GDI2: variants seen among roughly 807,000 people sequenced by gnomAD.
GDI2 encodes the protein GDP dissociation inhibitor 2, also known as rab GDP dissociation inhibitor beta.
A neutral mutation model predicts 54.2 loss-of-function variants in GDI2; 22 were observed. The observed-to-expected ratio is 0.41, with a 90% CI of 0.29 to 0.58. The LOEUF (loss-of-function observed/expected upper bound fraction) is 0.58, where lower values mean the gene tolerates loss of function less well. Ranked by LOEUF, GDI2 falls within the 20% of genes least tolerant of loss-of-function variation. The pLI is 0.35. For missense variants in GDI2, 422 were observed against 546.0 expected, an observed-to-expected ratio of 0.77 and a Z score of 2.26; for synonymous variants, 177 against 182.1, an observed-to-expected ratio of 0.97 and a Z score of 0.23.
intron 1 of GDI2, among the ~76,000 whole-genome samples, chr10:5,800,942 T>TA (rs1841257116): frequency 6.6e-6 from 1 of 151,718 alleles, no homozygotes; most frequent in Non-Finnish European, 1.5e-5. Context: ...AGTCACCTTT[T>TA]AATTTTTTTT....
chr10:5,766,902 C>G lies in GDI2; in HGVS notation c.992-264G>C, dbSNP rs1347834835. 1.3e-5 allele frequency among the ~76,000 whole-genome samples: 2 copies of G among 152,188 alleles called. No individual in the cohort carries two copies. The highest frequency in any genetic ancestry group is 3.8e-4 in the East Asian group (2 of 5,198). ...TTTGGAATGAGATCTCTTAACAGCT[C>G]TGTCATACCTAACTAAAAAACCTGC... is the stretch of plus-strand genomic sequence containing the variant. On this transcript the variant is annotated intron_variant, in intron 8 of 10. Transcript: ENST00000380191. The surrounding 1 kb of genome is among the most constrained non-coding windows in gnomAD (Gnocchi z 5.8).
intron 6 of GDI2, among the ~76,000 whole-genome samples, chr10:5,778,826 AG>A (rs1840685575): frequency 1.3e-5 from 2 of 152,254 alleles, no homozygotes; most frequent in East Asian, 3.8e-4. Context: ...CACTTTAACA[AG>A]GTGTAAAATC....
At chr10:5,792,784 C>T (rs556623510) in intron 4 of GDI2, among the ~76,000 whole-genome samples, 4 of 150,886 alleles carry the variant, frequency 2.7e-5, no homozygotes, top group African/African-American at 7.3e-5. Flanking sequence ...GACCAAGACT[C>T]GAAATATACC....
At position 5,805,154 on chromosome 10, in the gene GDI2, G is replaced by A. The variant is rs7098878; in HGVS notation, c.46-4449C>T. On this transcript the variant is annotated intron_variant, in intron 1 of 10. Transcript: ENST00000380191. ...GCTACTATCGGGAGCTTTTCAGAGT[G>A]TATGGCTAACCCTGCAAGCAGGGCA... 1.1e-4 allele frequency among the ~76,000 whole-genome samples: 16 copies of A among 152,076 alleles called. No individual in the cohort carries two copies. In the South Asian group the frequency reaches 1.7e-3, roughly 16 times the overall value.
Position 5,796,872 on chromosome 10 carries a change from AG to A in GDI2, c.154-11del. On this transcript the variant is annotated splice_polypyrimidine_tract_variant and intron_variant, in intron 2 of 10. Coordinates refer to ENST00000380191, the MANE Select transcript of GDI2 (RefSeq NM_001494.4). ...TAAATCTTTTGTATAACTAAAAGCAAGGAAAAACATAGCCATAATGTTAACA... is the reference window on the plus strand; with the variant it reads ...TAAATCTTTTGTATAACTAAAAGCAAGAAAAACATAGCCATAATGTTAACA... 1 of 1,316,184 alleles carries A rather than the reference AG, an allele frequency of 7.6e-7. No homozygotes were observed. The highest frequency in any genetic ancestry group is 1.1e-6 in the Non-Finnish European group (1 of 911,160). 81.5% of individuals were successfully genotyped at this position (1,316,184 alleles called of 1,614,324 possible).
chr10:5,791,498 A>T (rs1020338927), intron 4 of GDI2, among the ~76,000 whole-genome samples: 1 of 152,158 alleles, frequency 6.6e-6, no homozygotes, highest in Non-Finnish European at 1.5e-5. Context: ...CTGTAACCCC[A>T]GGTCTTTGGG....
chr10:5,797,743 A>C (rs2131711570), intron 2 of GDI2, among the ~76,000 whole-genome samples: 1 of 152,236 alleles, frequency 6.6e-6, no homozygotes, highest in African/African-American at 2.4e-5. Flanking sequence ...CCATCTCAAG[A>C]AATAAATAAA....
chr10:5,783,513 T>C (rs994799753), intron 6 of GDI2, among the ~76,000 whole-genome samples: 3 of 152,024 alleles, frequency 2.0e-5, no homozygotes, highest in Non-Finnish European at 4.4e-5. Context: ...GAACACCTTG[T>C]TTTTTTTCTT....
rs1840347437 is a variant in GDI2 at position 5,766,795 on chromosome 10, T to A, written c.992-157A>T. 6.6e-6 allele frequency among the ~76,000 whole-genome samples: 1 copy of A among 152,208 alleles called. No homozygotes were observed. The highest frequency in any genetic ancestry group is 6.5e-5 in the Admixed American group (1 of 15,288). ...TTCTAAATGGTGACAGAGTTGGATGTAAAGTACACAGATATTTAACAATAG... is the reference window on the plus strand; with the variant it reads ...TTCTAAATGGTGACAGAGTTGGATGAAAAGTACACAGATATTTAACAATAG... On this transcript the variant is annotated intron_variant, in intron 8 of 10. Coordinates refer to ENST00000380191, the MANE Select transcript of GDI2 (RefSeq NM_001494.4). The surrounding 1 kb of genome is among the most constrained non-coding windows in gnomAD (Gnocchi z 5.8).
At chr10:5,781,503 T>C (rs982915853) in intron 6 of GDI2, among the ~76,000 whole-genome samples, 5 of 151,460 alleles carry the variant, frequency 3.3e-5, no homozygotes, top group Non-Finnish European at 7.4e-5. Flanking sequence ...CAGGCGCCTG[T>C]AGTCCCAGCT....
chr10:5,766,261 C>A lies in GDI2; in HGVS notation c.1171G>T (p.Asp391Tyr). Residue 391 changes from aspartate to tyrosine, a missense_variant, in exon 10 of 11, where the codon GAC (aspartate) becomes TAC (tyrosine). Physicochemically the swap from Asp to Tyr is radical, Grantham distance 160. Coordinates refer to ENST00000380191, the MANE Select transcript of GDI2 (RefSeq NM_001494.4). The surrounding 1 kb of genome is among the most constrained non-coding windows in gnomAD (Gnocchi z 5.8). ...VSISDLLVPK[D>Y]LGTESQIFIS... ...CTCACCTGGCTTTCTGTTCCCAAGT[C>A]TTTTGGTACCAGGAGGTCACTGATG... 1 of 1,613,862 alleles carries A rather than the reference C, an allele frequency of 6.2e-7. No individual in the cohort carries two copies. Among genetic ancestry groups the A allele is most frequent in the South Asian group, 1.1e-5 (1 of 91,070 alleles).
At chr10:5,786,672 G>A (rs1405273486) in intron 4 of GDI2, among the ~76,000 whole-genome samples, 4 of 152,150 alleles carry the variant, frequency 2.6e-5, no homozygotes, top group Admixed American at 2.6e-4. Flanking sequence ...CTCTGAACAA[G>A]TATCCATGAA....
In GDI2 at chr10:5,773,936, C is replaced by G; in HGVS notation, c.725G>C (p.Ser242Thr). 1 of 1,434,906 alleles carries G rather than the reference C, an allele frequency of 7.0e-7. No homozygotes were observed. The highest frequency in any genetic ancestry group is 2.3e-5 in the East Asian group (1 of 43,852). The allele number at this position is 1,434,906 out of a possible 1,614,324, so 88.9% of individuals were successfully genotyped here. A position where few individuals can be genotyped will look rare whatever the true frequency, so the allele number is the denominator to read the frequency against. The change falls in exon 7 of 11, where the codon AGT (serine) becomes ACT (threonine). Residue 242 changes from serine (S) to threonine (T), a missense_variant. Physicochemically the swap from Ser to Thr is moderately conservative, Grantham distance 58. Transcript: ENST00000380191. Reference protein sequence around the residue: ...GELPQGFARLSAIYGGTYMLN... With the variant: ...GELPQGFARLTAIYGGTYMLN... ...CATATAGGTACCTCCATAAATAGCA[C>G]TTAGCCTGGAAAATTTTTAAAATCC...
At chr10:5,813,155 G>A (rs903889148) in intron 1 of GDI2, 59 bp downstream of exon 1, 44 of 1,092,070 alleles carry the variant, frequency 4.0e-5, no homozygotes, top group Non-Finnish European at 5.8e-5. Context: ...GGCCGTGCAG[G>A]AGCCGGGGGT....
chr10:5,804,897 G>A (rs1056551213), intron 1 of GDI2, among the ~76,000 whole-genome samples: 3 of 151,136 alleles, frequency 2.0e-5, no homozygotes, highest in Non-Finnish European at 2.9e-5. Context: ...GCAATGGCAC[G>A]ATCTCAGCTC....
intron 7 of GDI2, among the ~76,000 whole-genome samples, chr10:5,771,867 A>G (rs1302988630): frequency 4.6e-5 from 7 of 152,298 alleles, no homozygotes; most frequent in Non-Finnish European, 2.9e-5. Context: ...CGAGGCAGGC[A>G]GATCACGAGG....
chr10:5,765,732 CTG>C lies in GDI2; in HGVS notation c.*272_*273del. ...GATTAAAAAAACTGTCTCAAGTTGT[CTG>C]TGTCGGTATCCCAATGTTTGTTTAA... On this transcript the variant is annotated 3_prime_UTR_variant, in exon 11 of 11. Transcript: ENST00000380191. 2.8e-6 allele frequency: 1 copy of C among 360,156 alleles called. No homozygotes were observed. Among genetic ancestry groups the C allele is most frequent in the Non-Finnish European group, 4.9e-6 (1 of 203,118 alleles). 22.3% of individuals were successfully genotyped at this position (360,156 alleles called of 1,614,324 possible). A position where few individuals can be genotyped will look rare whatever the true frequency, so the allele number is the denominator to read the frequency against.
At chr10:5,772,042 T>C (rs1052054572) in intron 7 of GDI2, among the ~76,000 whole-genome samples, 1 of 151,884 alleles carries the variant, frequency 6.6e-6, no homozygotes, top group Non-Finnish European at 1.5e-5. Flanking sequence ...GTAACCAAGA[T>C]CGTGCCACTG....
At chr10:5,775,840 C>T (rs1258358703) in intron 6 of GDI2, among the ~76,000 whole-genome samples, 1 of 152,160 alleles carries the variant, frequency 6.6e-6, no homozygotes. Context: ...CGTCATGGCA[C>T]CGTGCGTGGC....
Sources: allele counts gnomAD v4.1 joint callset (sites outside exome capture counted in the v4.1 genomes callset), GRCh38; gene constraint gnomAD v4.1.1; non-coding constraint Gnocchi (gnomAD v3.1); transcripts MANE v1.5; gene names NCBI Gene and HGNC (gene_info 2026-07-23, HGNC 2026-07-21).